The following PKHD1L1 variants were observed in gnomAD, a reference collection of about 807,000 sequenced individuals.
The protein encoded by PKHD1L1 is PKHD1 like 1, also known as fibrocystin-L.
Under a neutral mutation model 462.9 loss-of-function variants are expected in PKHD1L1, and 434 were observed. That is an observed-to-expected ratio of 0.94 (90% CI 0.87 to 1.02). The LOEUF is 1.02. Among genes scored for constraint, PKHD1L1 ranks in the 50% least tolerant of loss-of-function variants. PKHD1L1 has a pLI of 0.00. For synonymous variants in PKHD1L1, 1,781 were observed against 1,750.0 expected, an observed-to-expected ratio of 1.02 and a Z score of -0.44; for missense variants, 5,202 against 5,096.1, an observed-to-expected ratio of 1.02 and a Z score of -0.63.
intron 2 of PKHD1L1, among the ~76,000 whole-genome samples, chr8:109,370,602 C>A (rs1811454025): frequency 6.6e-6 from 1 of 151,908 alleles, no homozygotes; most frequent in Non-Finnish European, 1.5e-5. Context: ...TGGTGTGCTG[C>A]ACCCATTAAC....
intron 67 of PKHD1L1, among the ~76,000 whole-genome samples, chr8:109,501,807 T>G (rs921900774): frequency 6.6e-6 from 1 of 152,212 alleles, no homozygotes; most frequent in African/African-American, 2.4e-5. Flanking sequence ...TCAGGTACTC[T>G]TCTGTATTGA....
At chr8:109,469,075 C>T (rs1242157674) in intron 50 of PKHD1L1, among the ~76,000 whole-genome samples, 2 of 152,100 alleles carry the variant, frequency 1.3e-5, no homozygotes, top group Non-Finnish European at 2.9e-5. Flanking sequence ...ACTCTGATTC[C>T]TCTGCCCAGT....
intron 10 of PKHD1L1, among the ~76,000 whole-genome samples, chr8:109,395,698 G>T (rs576098217): frequency 6.6e-6 from 1 of 152,174 alleles, no homozygotes; most frequent in Non-Finnish European, 1.5e-5. Context: ...TTCTTCAAGA[G>T]CATATGGAAG....
At chr8:109,381,587 T>C (rs762390786) in intron 3 of PKHD1L1, 73 bp downstream of exon 3, 4 of 1,128,936 alleles carry the variant, frequency 3.5e-6, no homozygotes, top group Non-Finnish European at 4.9e-6. Context: ...ATTAGTATTA[T>C]AATAGTTTTA....
chr8:109,522,799 T>C lies in PKHD1L1; in HGVS notation c.12239T>C (p.Val4080Ala). 6.2e-7 allele frequency: 1 copy of C among 1,612,574 alleles called. No homozygotes were observed. The highest frequency in any genetic ancestry group is 1.1e-5 in the South Asian group (1 of 90,900). Residue 4080 changes from valine (V) to alanine (A), a missense_variant, in exon 75 of 78, where the codon GTG becomes GCG. Physicochemically the swap from Val to Ala is moderately conservative, Grantham distance 64. This residue lies in a region of PKHD1L1 where 698 missense variants were observed against 736.3 expected (regional missense o/e 0.95). Coordinates refer to ENST00000378402, the MANE Select transcript of PKHD1L1 (RefSeq NM_177531.6). ...SAFPVHHVAF[V>A]SSLLVITQPV... is the part of the protein sequence containing the mutation. ...TTTCCTGTTCATCACGTGGCCTTCGTGTCCTCACTCTTAGTGATCACTCAG... is the reference window on the plus strand; with the variant it reads ...TTTCCTGTTCATCACGTGGCCTTCGCGTCCTCACTCTTAGTGATCACTCAG...
At chr8:109,500,253 C>T (rs1819333465) in intron 67 of PKHD1L1, among the ~76,000 whole-genome samples, 1 of 151,980 alleles carries the variant, frequency 6.6e-6, no homozygotes, top group Non-Finnish European at 1.5e-5. Context: ...CATAGCTGGT[C>T]CCTAAACCAT....
chr8:109,474,969 TAA>T (rs1817901135), intron 50 of PKHD1L1, 147 bp from the exon 51 acceptor site: 1 of 517,414 alleles, frequency 1.9e-6, no homozygotes, highest in Admixed American at 4.1e-5. Context: ...TTAATCTTTT[TAA>T]AGACTGTCAT....
At chr8:109,524,905 C>T (rs1249262706) in intron 76 of PKHD1L1, among the ~76,000 whole-genome samples, 2 of 151,516 alleles carry the variant, frequency 1.3e-5, no homozygotes, top group African/African-American at 4.9e-5. Context: ...CTTCTCCCCT[C>T]CCCTCTTCCT....
chr8:109,523,345 G>A lies in PKHD1L1; in HGVS notation c.12443G>A (p.Ser4148Asn). The A allele has an allele frequency of 6.2e-7, 1 of 1,613,234 alleles. No individual in the cohort carries two copies. The highest frequency in any genetic ancestry group is 8.5e-7 in the Non-Finnish European group (1 of 1,179,536). Residue 4148 changes from serine to asparagine, a missense_variant, in exon 76 of 78, where the codon AGC (serine) becomes AAC (asparagine). By Grantham distance (46) the Ser-to-Asn change is conservative. This residue lies in a region of PKHD1L1 where 698 missense variants were observed against 736.3 expected (regional missense o/e 0.95). Coordinates refer to ENST00000378402, the MANE Select transcript of PKHD1L1 (RefSeq NM_177531.6). The stretch of plus-strand genomic sequence containing the variant: ...GGAAATACAACAATTCCGTTTAGCA[G>A]CTGTTGGGCCAACTACACAGACCTT... ...LSGNTTIPFS[S>N]CWANYTDLTP...
chr8:109,452,397 AC>A, intron 42 of PKHD1L1, 117 bp downstream of exon 42: 1 of 973,962 alleles, frequency 1.0e-6, no homozygotes, highest in Non-Finnish European at 1.4e-6. Context: ...CTGAGCTGTG[AC>A]CATAATAAAT....
intron 26 of PKHD1L1, 40 bp from the exon 27 acceptor site, chr8:109,429,892 T>C: frequency 7.3e-7 from 1 of 1,366,494 alleles, no homozygotes; most frequent in Non-Finnish European, 1.0e-6. Flanking sequence ...CTGCTGCCTC[T>C]TTGCCCATGT....
chr8:109,370,700 T>A (rs1470166044), intron 2 of PKHD1L1, among the ~76,000 whole-genome samples: 1 of 152,038 alleles, frequency 6.6e-6, no homozygotes, highest in Non-Finnish European at 1.5e-5. Context: ...GATGTTCCCC[T>A]TCCTGTGTCC....
intron 29 of PKHD1L1, 108 bp from the exon 30 acceptor site, chr8:109,436,230 G>C: frequency 8.6e-7 from 1 of 1,158,642 alleles, no homozygotes; most frequent in Non-Finnish European, 1.2e-6. Context: ...ACATCTCTTG[G>C]ATCATTAGAC....
Position 109,515,070 on chromosome 8 carries a change from A to T in PKHD1L1, c.11554-100A>T, listed in dbSNP as rs1379989446. ...TCCCAAATCCATAAAACTTAGTTTT[A>T]ATAGTTTGCAGAAAGTATACAATAT... On this transcript the variant is annotated intron_variant, in intron 71 of 77. Coordinates refer to ENST00000378402, the MANE Select transcript of PKHD1L1 (RefSeq NM_177531.6). 6 of 959,562 alleles carry T rather than the reference A, an allele frequency of 6.3e-6. No individual in the cohort carries two copies. The Admixed American group carries it at 1.8e-4, about 28-fold the overall frequency. 59.4% of individuals were successfully genotyped at this position (959,562 alleles called of 1,614,324 possible).
chr8:109,410,726 C>CTT lies in PKHD1L1; in HGVS notation c.2085+768_2085+769dup, dbSNP rs71303459. ...TTCTTTTTTCTTTTCTTTTCTTTTT[C>CTT]TTTTTTTTTTTTTTTTTTTTTGAGA... On this transcript the variant is annotated intron_variant, in intron 19 of 77. Transcript: ENST00000378402. 6.5e-3 allele frequency among the ~76,000 whole-genome samples: 441 copies of CTT among 68,370 alleles called. 83 individuals carry two copies. Among genetic ancestry groups the CTT allele is most frequent in the African/African-American group, 0.029 (358 of 12,248 alleles). The allele number at this position is 68,370 out of a possible 152,430, so 44.9% of individuals were successfully genotyped here.
At chr8:109,443,153 T>G in intron 36 of PKHD1L1, 37 bp downstream of exon 36, 1 of 1,591,130 alleles carries the variant, frequency 6.3e-7, no homozygotes, top group Admixed American at 1.7e-5. Flanking sequence ...GTTACACAGG[T>G]GACCCAGGGT....
rs1327275515 is a variant in PKHD1L1, at chr8:109,398,570, T to A, written c.1012+22T>A. The A allele has an allele frequency of 4.1e-6, 5 of 1,212,798 alleles. No individual in the cohort carries two copies. In the East Asian group the frequency reaches 1.1e-4, roughly 26 times the overall value. The allele number at this position is 1,212,798 out of a possible 1,614,324, so 75.1% of individuals were successfully genotyped here. On this transcript the variant is annotated intron_variant, in intron 12 of 77. Transcript: ENST00000378402. The stretch of plus-strand genomic sequence containing the variant: ...CCAGGTAAGTTACCATAAGGGACAA[T>A]GGCCATTTCTATATTCACATAAAAA...
rs373099174 is a variant in PKHD1L1 at position 109,466,653 on chromosome 8, G to A, written c.8489G>A (p.Ser2830Asn). ...PSHCTQEAEWSIGFPGSVCDA... is the reference protein window; with the variant it reads ...PSHCTQEAEWNIGFPGSVCDA... Reference sequence around the variant, plus strand: ...CATTGTACTCAGGAAGCTGAGTGGAGCATTGGGTTCCCTGGATCAGTCTGT... The same window carrying A: ...CATTGTACTCAGGAAGCTGAGTGGAACATTGGGTTCCCTGGATCAGTCTGT... Residue 2830 changes from serine (S) to asparagine (N), a missense_variant, in exon 50 of 78, where the codon AGC (serine) becomes AAC (asparagine). Around this residue, in one of 3 missense-constraint regions of PKHD1L1, gnomAD observed 4,497 missense variants for 4,336.8 expected, o/e 1.04. Coordinates refer to ENST00000378402, the MANE Select transcript of PKHD1L1 (RefSeq NM_177531.6). 1.2e-6 allele frequency: 2 copies of A among 1,610,570 alleles called. No homozygotes were observed. Among genetic ancestry groups the A allele is most frequent in the South Asian group, 1.1e-5 (1 of 90,252 alleles).
chr8:109,367,252 A>G (rs1047973359), intron 2 of PKHD1L1, among the ~76,000 whole-genome samples: 2 of 152,252 alleles, frequency 1.3e-5, no homozygotes, highest in Admixed American at 1.3e-4. Flanking sequence ...ATTCATGTAC[A>G]TCACCAGGGT....
Sources: allele counts gnomAD v4.1 joint callset (sites outside exome capture counted in the v4.1 genomes callset), GRCh38; gene constraint gnomAD v4.1.1; regional missense constraint gnomAD v4.1.1; transcripts MANE v1.5; gene names NCBI Gene and HGNC (gene_info 2026-07-23, HGNC 2026-07-21).